SYT14: variants seen among roughly 807,000 people sequenced by gnomAD.
SYT14 encodes synaptotagmin-14.
Under a neutral mutation model 74.2 loss-of-function variants are expected in SYT14, and 32 were observed. The observed-to-expected ratio is 0.43, with a 90% CI of 0.33 to 0.58. The LOEUF (loss-of-function observed/expected upper bound fraction) is 0.58, where lower values mean the gene tolerates loss of function less well. Ranked by LOEUF, SYT14 falls within the 20% of genes least tolerant of loss-of-function variation. The pLI is 0.05. For missense variants in SYT14, 791 were observed against 981.8 expected (o/e 0.81, Z 2.60); for synonymous variants, 298 against 337.7 (o/e 0.88, Z 1.29).
At chr1:210,057,259 T>C (rs1224105281) in intron 5 of SYT14, among the ~76,000 whole-genome samples, 3 of 152,244 alleles carry the variant, frequency 2.0e-5, no homozygotes, top group Non-Finnish European at 4.4e-5. Context: ...CCTTCTCTAG[T>C]TGGCCAGTTC....
rs192383718 is a variant in SYT14, at chr1:210,026,997, G to A, written c.1312+5743G>A. ...CATTTGACTCTTGAATAACCCAGGA[G>A]TTAGAGGCACTGATCCCCCCATTCA... On this transcript the variant is annotated intron_variant, in intron 5 of 9. Coordinates refer to ENST00000637265, the Ensembl canonical transcript of SYT14. Among the ~76,000 whole-genome samples, 799 of 152,172 alleles carry A rather than the reference G, an allele frequency of 5.3e-3. 11 individuals carry two copies. The highest frequency in any genetic ancestry group is 0.019 in the African/African-American group (775 of 41,530).
chr1:210,169,588 A>T (rs778516537), exon 10 of SYT14: 4 of 152,220 alleles, frequency 2.6e-5, no homozygotes, highest in Admixed American at 2.0e-4. Flanking sequence ...GTATAATTTT[A>T]TTGAAATTGC....
intron 2 of SYT14, among the ~76,000 whole-genome samples, chr1:209,989,088 A>C (rs1485680323): frequency 6.6e-6 from 1 of 151,570 alleles, no homozygotes; most frequent in Non-Finnish European, 1.5e-5. Context: ...CTGAATGATC[A>C]CTCCTTTATT....
chr1:210,052,197 A>G (rs2081009104), intron 5 of SYT14, among the ~76,000 whole-genome samples: 1 of 151,374 alleles, frequency 6.6e-6, no homozygotes, highest in Non-Finnish European at 1.5e-5. Flanking sequence ...TTTTTCCCCC[A>G]TGACAAAGTG....
intron 5 of SYT14, among the ~76,000 whole-genome samples, chr1:210,083,271 G>A (rs570043387): frequency 3.9e-5 from 6 of 152,184 alleles, no homozygotes; most frequent in African/African-American, 7.2e-5. Context: ...GGATACAGGC[G>A]TGAGCCGCCA....
At chr1:209,938,310 C>A in intron 1 of SYT14, 33 bp downstream of exon 1, 2 of 1,542,782 alleles carry the variant, frequency 1.3e-6, no homozygotes, top group Non-Finnish European at 8.8e-7. Context: ...GAGCGAGGAC[C>A]GGGACCACCC....
At chr1:209,963,524 A>G (rs560668605) in intron 2 of SYT14, among the ~76,000 whole-genome samples, 1 of 152,324 alleles carries the variant, frequency 6.6e-6, no homozygotes, top group South Asian at 2.1e-4. Flanking sequence ...TGAATTATAT[A>G]TGTAAAAATA....
intron 1 of SYT14, among the ~76,000 whole-genome samples, chr1:209,945,446 T>C (rs971322704): frequency 2.0e-5 from 3 of 152,208 alleles, no homozygotes; most frequent in Non-Finnish European, 4.4e-5. Context: ...GACGATGGTC[T>C]AAGTGGATTA....
At chr1:209,953,045 T>C (rs540700483) in intron 2 of SYT14, 3 of 1,371,636 alleles carry the variant, frequency 2.2e-6, no homozygotes, top group Admixed American at 4.3e-5. Context: ...TGATTTTTGT[T>C]CCCTTTCAGA....
intron 5 of SYT14, among the ~76,000 whole-genome samples, chr1:210,072,866 T>C (rs1395636220): frequency 6.6e-6 from 1 of 151,978 alleles, no homozygotes; most frequent in Non-Finnish European, 1.5e-5. Context: ...TGGGACATAC[T>C]AAATTTAAAT....
At chr1:210,126,263 G>A (rs1464357780) in intron 7 of SYT14, among the ~76,000 whole-genome samples, 3 of 151,292 alleles carry the variant, frequency 2.0e-5, no homozygotes, top group African/African-American at 4.9e-5. Context: ...AAGTGCTTCC[G>A]TGTACTGGGT....
At chr1:210,088,031 G>A (rs1017584805) in intron 5 of SYT14, among the ~76,000 whole-genome samples, 7 of 151,972 alleles carry the variant, frequency 4.6e-5, no homozygotes, top group African/African-American at 1.4e-4. Flanking sequence ...TTCTGGACTC[G>A]TCTCTTCTAG....
chr1:210,020,082 G>A (rs922098287), intron 4 of SYT14, among the ~76,000 whole-genome samples: 4 of 152,158 alleles, frequency 2.6e-5, no homozygotes, highest in Admixed American at 1.3e-4. Flanking sequence ...CATTATGTGT[G>A]TGTATATGCC....
chr1:210,151,513 C>CCTTT (rs397863025), intron 7 of SYT14, among the ~76,000 whole-genome samples: 2 of 131,306 alleles, frequency 1.5e-5, no homozygotes. Flanking sequence ...TGCCCCCCCC[C>CCTTT]TTTTTTTTTT....
At chr1:210,071,543 T>A (rs1196514559) in intron 5 of SYT14, among the ~76,000 whole-genome samples, 1 of 152,060 alleles carries the variant, frequency 6.6e-6, no homozygotes, top group Non-Finnish European at 1.5e-5. Flanking sequence ...ACAAGAAGTC[T>A]GCCTAACTGC....
In SYT14 at chr1:210,060,404, C is replaced by T. The variant is rs573706501; in HGVS notation, c.1313-33918C>T. On this transcript the variant is annotated intron_variant, in intron 5 of 9. Coordinates refer to ENST00000637265, the Ensembl canonical transcript of SYT14. ...TAACTTCAAAAAATAAACTGGTATGCGGTTTATATTCTGTAATCTTTCTTT... is the reference window on the plus strand; with the variant it reads ...TAACTTCAAAAAATAAACTGGTATGTGGTTTATATTCTGTAATCTTTCTTT... Among the ~76,000 whole-genome samples the T allele has an allele frequency of 2.6e-4, 39 of 152,010 alleles. 1 individual carries two copies. In the East Asian group the frequency reaches 6.8e-3, roughly 26 times the overall value.
intron 2 of SYT14, among the ~76,000 whole-genome samples, chr1:209,974,340 T>C (rs559033727): frequency 3.8e-4 from 58 of 152,328 alleles, no homozygotes; most frequent in Admixed American, 8.5e-4. Context: ...TTTTTATGGT[T>C]TCAGGTCTAA....
At chr1:210,016,814 G>A (rs904706856) in exon 4 of SYT14, 492 of 1,231,612 alleles carry the variant, frequency 4.0e-4, no homozygotes, top group Non-Finnish European at 4.8e-4. Context: ...TAAAAGTAAA[G>A]CATCCAAAGG....
intron 2 of SYT14, among the ~76,000 whole-genome samples, chr1:209,968,395 CCATATGGAGTAGTAT>C (rs1417297153): frequency 1.3e-5 from 2 of 151,514 alleles, no homozygotes; most frequent in Non-Finnish European, 2.9e-5. Context: ...GGATAGTACT[CCATATGGAGTAGTAT>C]CATATGGAGT....
Sources: gnomAD v4.1 joint callset for allele counts (sites outside exome capture counted in the v4.1 genomes callset) on GRCh38, gnomAD v4.1.1 for gene constraint, MANE v1.5 for transcripts, NCBI Gene and HGNC (gene_info 2026-07-23, HGNC 2026-07-21) for gene names.